The following TTC7B variants were observed in gnomAD, a reference collection of about 807,000 sequenced individuals.
TTC7B encodes tetratricopeptide repeat domain 7B, also known as tetratricopeptide repeat protein 7B.
Under a neutral mutation model 106.8 loss-of-function variants are expected in TTC7B, and 28 were observed. The observed-to-expected ratio is 0.26, with a 90% CI of 0.19 to 0.36. TTC7B has a LOEUF of 0.36. Among genes scored for constraint, TTC7B ranks in the 10% least tolerant of loss-of-function variants. The pLI is 1.00. For missense variants in TTC7B, 862 were observed against 1,076.4 expected, an observed-to-expected ratio of 0.80 and a Z score of 2.79; for synonymous variants, 405 against 430.6, an observed-to-expected ratio of 0.94 and a Z score of 0.74.
chr14:90,707,043 T>C lies in TTC7B; in HGVS notation c.699-11465A>G, dbSNP rs574944943. Among the ~76,000 whole-genome samples the C allele has an allele frequency of 2.4e-4, 36 of 152,346 alleles. No individual in the cohort carries two copies. In the East Asian group the frequency reaches 6.8e-3, roughly 29 times the overall value. On this transcript the variant is annotated intron_variant, in intron 5 of 19. Transcript: ENST00000328459. ...AGACTACTTCTATCTTAAATCTGCT[T>C]TTTCCTTTCTTCCATAGCAAGAATA...
At chr14:90,749,983 C>T (rs1890090440) in intron 3 of TTC7B, among the ~76,000 whole-genome samples, 1 of 152,186 alleles carries the variant, frequency 6.6e-6, no homozygotes, top group Non-Finnish European at 1.5e-5. Flanking sequence ...CCAGTTAGCA[C>T]CAATGTTGTT....
chr14:90,770,499 A>G (rs970209132), intron 3 of TTC7B, among the ~76,000 whole-genome samples: 1 of 152,204 alleles, frequency 6.6e-6, no homozygotes, highest in Non-Finnish European at 1.5e-5. Flanking sequence ...CCTACTAAAA[A>G]TACAAAATTA....
chr14:90,553,491 G>A (rs1037892275), intron 19 of TTC7B, among the ~76,000 whole-genome samples: 4 of 152,186 alleles, frequency 2.6e-5, no homozygotes, highest in Admixed American at 2.6e-4. Flanking sequence ...CCCCTCCAGG[G>A]ACCAGGAGCT....
chr14:90,792,227 TG>T (rs1331715965), intron 1 of TTC7B, among the ~76,000 whole-genome samples: 1 of 152,130 alleles, frequency 6.6e-6, no homozygotes, highest in Admixed American at 6.6e-5. Context: ...CTCCTGATGC[TG>T]GGGGAATGCG....
chr14:90,592,973 C>T (rs752987591), intron 18 of TTC7B, among the ~76,000 whole-genome samples: 7 of 152,170 alleles, frequency 4.6e-5, no homozygotes, highest in Non-Finnish European at 1.0e-4. Context: ...GTGTCCTTAA[C>T]ACCTCCTGGC....
At chr14:90,746,974 C>G (rs918345617) in intron 3 of TTC7B, among the ~76,000 whole-genome samples, 4 of 152,264 alleles carry the variant, frequency 2.6e-5, no homozygotes, top group South Asian at 2.1e-4. Context: ...TTACCAGTTC[C>G]TGGGAGAAAA....
rs74685435 is a variant in TTC7B at position 90,682,385 on chromosome 14, T to G, written c.951-1850A>C. 2.6e-3 allele frequency among the ~76,000 whole-genome samples: 398 copies of G among 152,316 alleles called. 2 individuals carry two copies. Among genetic ancestry groups the G allele is most frequent in the African/African-American group, 9.1e-3 (379 of 41,570 alleles). On this transcript the variant is annotated intron_variant, in intron 7 of 19. Coordinates refer to ENST00000328459, the MANE Select transcript of TTC7B (RefSeq NM_001010854.2). ...AGGCAAGGTGGGTACTCAGGAGCAC[T>G]GCAAAGCTCCCAAGGCCAGCAGGAG...
intron 15 of TTC7B, among the ~76,000 whole-genome samples, chr14:90,642,074 G>C (rs1885205511): frequency 6.6e-6 from 1 of 152,116 alleles, no homozygotes; most frequent in Non-Finnish European, 1.5e-5. Context: ...TTTTTAAAGT[G>C]CTTTAACCAT....
chr14:90,650,080 C>T (rs1885650736), intron 13 of TTC7B, among the ~76,000 whole-genome samples: 1 of 152,196 alleles, frequency 6.6e-6, no homozygotes, highest in Non-Finnish European at 1.5e-5. Flanking sequence ...CTCTTAGATT[C>T]CATTTCCAAC....
chr14:90,812,409 C>G (rs958363779), intron 1 of TTC7B, among the ~76,000 whole-genome samples: 1 of 152,178 alleles, frequency 6.6e-6, no homozygotes, highest in African/African-American at 2.4e-5. Flanking sequence ...TATCCCTGAG[C>G]GCTCAGGCTG....
intron 1 of TTC7B, among the ~76,000 whole-genome samples, chr14:90,789,132 G>C (rs947562589): frequency 6.6e-6 from 1 of 151,782 alleles, no homozygotes; most frequent in African/African-American, 2.4e-5. Flanking sequence ...ACAGAGTTTC[G>C]CTCTTGTCGC....
In TTC7B at chr14:90,526,971, T is replaced by G. The variant is rs1889163035; in HGVS notation, c.*14397A>C. On this transcript the variant is annotated 3_prime_UTR_variant, in exon 20 of 20. Transcript: ENST00000328459. ...CACCTAATATTTAGCTATGTCTTCA[T>G]GGGCTTCTCTGGTTTTCGTCAGTTT... 6.6e-6 allele frequency: 1 copy of G among 152,252 alleles called. No individual in the cohort carries two copies. Among genetic ancestry groups the G allele is most frequent in the African/African-American group, 2.4e-5 (1 of 41,462 alleles). The allele number at this position is 152,252 out of a possible 1,614,324, so 9.4% of individuals were successfully genotyped here. A position where few individuals can be genotyped will look rare whatever the true frequency, so the allele number is the denominator to read the frequency against.
Position 90,558,973 on chromosome 14 carries a change from C to T in TTC7B, c.2311-17384G>A, listed in dbSNP as rs373195353. ...ACTGCATAGGGGCGCGGAAATGATGCTTGGGTGACGGCAGAGACCCAGCCT... is the reference window on the plus strand; with the variant it reads ...ACTGCATAGGGGCGCGGAAATGATGTTTGGGTGACGGCAGAGACCCAGCCT... On this transcript the variant is annotated intron_variant, in intron 19 of 19. Coordinates refer to ENST00000328459, the MANE Select transcript of TTC7B (RefSeq NM_001010854.2). Among the ~76,000 whole-genome samples, 591 of 152,344 alleles carry T rather than the reference C, an allele frequency of 3.9e-3. 9 individuals carry two copies. Among genetic ancestry groups the T allele is most frequent in the Non-Finnish European group, 2.4e-3 (164 of 68,036 alleles).
chr14:90,720,680 G>C (rs1888859817), intron 5 of TTC7B, among the ~76,000 whole-genome samples: 2 of 152,136 alleles, frequency 1.3e-5, no homozygotes, highest in African/African-American at 4.8e-5. Flanking sequence ...AGAGGTACCA[G>C]GAGATGCTAC....
Position 90,538,281 on chromosome 14 carries a change from T to TGGAC in TTC7B, c.*3083_*3086dup, listed in dbSNP as rs1038477466. Reference sequence around the variant, plus strand: ...ATGGATGGATGGATGGATGGATGGATGGACGGACGGACGGACGGGTGGACG... The same window carrying TGGAC: ...ATGGATGGATGGATGGATGGATGGATGGACGGACGGACGGACGGACGGGTGGACG... On this transcript the variant is annotated 3_prime_UTR_variant, in exon 20 of 20. Transcript: ENST00000328459. 1.0e-5 allele frequency: 1 copy of TGGAC among 95,700 alleles called. No individual in the cohort carries two copies. The highest frequency in any genetic ancestry group is 3.4e-5 in the African/African-American group (1 of 29,420). The allele number at this position is 95,700 out of a possible 1,614,324, so 5.9% of individuals were successfully genotyped here.
At chr14:90,724,783 C>T (rs984757035) in intron 5 of TTC7B, among the ~76,000 whole-genome samples, 2 of 152,304 alleles carry the variant, frequency 1.3e-5, no homozygotes, top group South Asian at 2.1e-4. Context: ...AATGAGAGAA[C>T]GGGCTAACAC....
intron 9 of TTC7B, among the ~76,000 whole-genome samples, chr14:90,666,590 C>T (rs920312013): frequency 6.6e-6 from 1 of 152,192 alleles, no homozygotes; most frequent in African/African-American, 2.4e-5. Flanking sequence ...ATAAAAGTCC[C>T]CCTCCTTGCC....
chr14:90,629,741 G>A (rs1173828879), intron 15 of TTC7B, among the ~76,000 whole-genome samples: 3 of 152,200 alleles, frequency 2.0e-5, no homozygotes, highest in Admixed American at 1.3e-4. Context: ...CATGACTCGC[G>A]GGGAGTGGCT....
chr14:90,725,207 A>G (rs916492824), intron 5 of TTC7B, among the ~76,000 whole-genome samples: 5 of 152,214 alleles, frequency 3.3e-5, no homozygotes, highest in Admixed American at 3.3e-4. Flanking sequence ...GACCTCCAGA[A>G]GGCCAGAATG....
Sources: allele counts gnomAD v4.1 joint callset (sites outside exome capture counted in the v4.1 genomes callset), GRCh38; gene constraint gnomAD v4.1.1; transcripts MANE v1.5; gene names NCBI Gene and HGNC (gene_info 2026-07-23, HGNC 2026-07-21).